ADGB: variants seen among roughly 807,000 people sequenced by gnomAD.
The protein encoded by ADGB is calpain-7-like protein.
Under a neutral mutation model 210.5 loss-of-function variants are expected in ADGB, and 172 were observed. That is an observed-to-expected ratio of 0.82 (90% confidence interval 0.72 to 0.93). ADGB has a LOEUF of 0.93. ADGB is among the 40% of genes least tolerant of loss of function. The pLI is 0.00. For missense variants in ADGB, 2,025 were observed against 1,964.8 expected (o/e 1.03, Z -0.58); for synonymous variants, 658 against 662.7 (o/e 0.99, Z 0.11).
intron 27 of ADGB, among the ~76,000 whole-genome samples, chr6:146,762,822 G>C (rs980294423): frequency 8.6e-5 from 13 of 152,014 alleles, no homozygotes; most frequent in African/African-American, 3.1e-4. Flanking sequence ...CCTTCATTTT[G>C]ACAAGTCAGA....
intron 35 of ADGB, chr6:146,803,325 G>T (rs1435836574): frequency 6.2e-7 from 1 of 1,608,598 alleles, no homozygotes; most frequent in East Asian, 2.2e-5. Context: ...TGAAGAACCA[G>T]AATCACTGGA....
chr6:146,687,209 G>A (rs1776244678), intron 10 of ADGB, among the ~76,000 whole-genome samples: 1 of 152,072 alleles, frequency 6.6e-6, no homozygotes, highest in Admixed American at 6.6e-5. Flanking sequence ...ATAAAAACCA[G>A]CAACATTCAA....
At chr6:146,784,455 G>A (rs534045450) in intron 30 of ADGB, among the ~76,000 whole-genome samples, 163 bp from the exon 31 acceptor site, 1 of 152,196 alleles carries the variant, frequency 6.6e-6, no homozygotes, top group Non-Finnish European at 1.5e-5. Context: ...TGTGTATTAT[G>A]AATAAGACTG....
At chr6:146,736,447 C>A (rs1777079864) in intron 22 of ADGB, 51 bp from the exon 23 acceptor site, 1 of 1,169,982 alleles carries the variant, frequency 8.5e-7, no homozygotes, top group Middle Eastern at 2.9e-4. Context: ...ACAAGATGAT[C>A]TTTCAGGCAT....
intron 1 of ADGB, among the ~76,000 whole-genome samples, chr6:146,605,395 T>A (rs1304317390): frequency 6.6e-6 from 1 of 152,078 alleles, no homozygotes; most frequent in African/African-American, 2.4e-5. Flanking sequence ...TATATGATGA[T>A]GATGTCCAGA....
chr6:146,684,458 C>T (rs1562273665), intron 9 of ADGB, among the ~76,000 whole-genome samples: 4 of 151,982 alleles, frequency 2.6e-5, no homozygotes, highest in African/African-American at 9.7e-5. Flanking sequence ...AGTAACTGGA[C>T]TGTAAATTAC....
intron 35 of ADGB, among the ~76,000 whole-genome samples, chr6:146,805,990 C>A (rs1414887922): frequency 6.6e-6 from 1 of 152,150 alleles, no homozygotes; most frequent in South Asian, 2.1e-4. Context: ...TGTCCCCAGA[C>A]CTTCAGAGGA....
intron 25 of ADGB, among the ~76,000 whole-genome samples, chr6:146,743,479 A>G (rs1011465416): frequency 9.2e-5 from 14 of 152,220 alleles, no homozygotes; most frequent in African/African-American, 2.9e-4. Flanking sequence ...TCTAAGTGAT[A>G]CATTTTGAGT....
intron 35 of ADGB, among the ~76,000 whole-genome samples, chr6:146,805,079 G>T (rs1028822511): frequency 1.3e-5 from 2 of 152,184 alleles, no homozygotes; most frequent in African/African-American, 4.8e-5. Flanking sequence ...GTCCAGTGCG[G>T]TTCAATAGAG....
At chr6:146,692,721 T>A in intron 11 of ADGB, 104 bp from the exon 12 acceptor site, 1 of 514,184 alleles carries the variant, frequency 1.9e-6, no homozygotes, top group Admixed American at 3.8e-5. Context: ...ATTTGCTGAG[T>A]AAATAGTTAA....
At chr6:146,625,605 G>A (rs1780960688) in intron 1 of ADGB, among the ~76,000 whole-genome samples, 1 of 151,972 alleles carries the variant, frequency 6.6e-6, no homozygotes, top group African/African-American at 2.4e-5. Context: ...GAGTTCACAT[G>A]CAATATGGTT....
intron 3 of ADGB, among the ~76,000 whole-genome samples, chr6:146,650,681 G>C (rs1775688784): frequency 6.7e-6 from 1 of 148,460 alleles, no homozygotes; most frequent in African/African-American, 2.5e-5. Flanking sequence ...GTGAGGAGAG[G>C]AGAAGCCTGT....
At chr6:146,739,454 T>C (rs967497979) in intron 23 of ADGB, among the ~76,000 whole-genome samples, 1 of 152,214 alleles carries the variant, frequency 6.6e-6, no homozygotes, top group Non-Finnish European at 1.5e-5. Context: ...CCAGGATAGA[T>C]GGTTACCCTA....
intron 14 of ADGB, among the ~76,000 whole-genome samples, chr6:146,715,917 A>G (rs556608586): frequency 1.8e-4 from 27 of 151,778 alleles, no homozygotes; most frequent in Non-Finnish European, 3.8e-4. Context: ...AAAATATAAA[A>G]ATTAGCAGGG....
intron 26 of ADGB, among the ~76,000 whole-genome samples, chr6:146,747,417 C>T (rs1777255717): frequency 1.3e-5 from 2 of 152,044 alleles, no homozygotes; most frequent in African/African-American, 2.4e-5. Flanking sequence ...CTAAATTACT[C>T]CCAGAAGCTG....
chr6:146,657,671 C>G (rs1775804322), intron 5 of ADGB, among the ~76,000 whole-genome samples: 1 of 152,192 alleles, frequency 6.6e-6, no homozygotes, highest in Non-Finnish European at 1.5e-5. Flanking sequence ...TCTTTCTTCT[C>G]TGATGTGGTA....
At chr6:146,700,882 T>C (rs1241595737) in intron 12 of ADGB, 59 bp from the exon 13 acceptor site, 1 of 1,496,830 alleles carries the variant, frequency 6.7e-7, no homozygotes, top group Non-Finnish European at 8.9e-7. Flanking sequence ...AGTTATTTAT[T>C]AATAACTTTA....
At chr6:146,684,593 G>A (rs145127648) in intron 9 of ADGB, among the ~76,000 whole-genome samples, 4 of 152,156 alleles carry the variant, frequency 2.6e-5, no homozygotes, top group Admixed American at 6.6e-5. Flanking sequence ...TTATTTTGCT[G>A]CATCCTTAAA....
intron 33 of ADGB, among the ~76,000 whole-genome samples, chr6:146,800,298 A>G (rs191519768): frequency 6.6e-6 from 1 of 152,272 alleles, no homozygotes; most frequent in African/African-American, 2.4e-5. Context: ...CTTACATAAA[A>G]TGTCCAGGAA....
Sources: gnomAD v4.1 joint callset for allele counts (sites outside exome capture counted in the v4.1 genomes callset) on GRCh38, gnomAD v4.1.1 for gene constraint, MANE v1.5 for transcripts, NCBI Gene and HGNC (gene_info 2026-07-23, HGNC 2026-07-21) for gene names.